Variants in GATAD2B observed in about 807,000 individuals in gnomAD.
The protein encoded by GATAD2B is GATA zinc finger domain containing 2B.
A neutral mutation model predicts 64.3 loss-of-function variants in GATAD2B; 8 were observed. The ratio of observed to expected loss-of-function variants is 0.12; its 90% CI spans 0.07 to 0.22. The LOEUF (loss-of-function observed/expected upper bound fraction) is 0.22, where lower values mean the gene tolerates loss of function less well. Ranked by LOEUF, GATAD2B falls within the 10% of genes least tolerant of loss-of-function variation. The pLI, the probability that GATAD2B is intolerant of heterozygous loss-of-function variation, is 1.00. For synonymous variants in GATAD2B, 281 were observed against 271.3 expected (o/e 1.04, Z -0.35); for missense variants, 453 against 752.0 (o/e 0.60, Z 4.65).
At chr1:153,863,832 G>A (rs2101923331) in intron 1 of GATAD2B, among the ~76,000 whole-genome samples, 1 of 152,094 alleles carries the variant, frequency 6.6e-6, no homozygotes, top group Non-Finnish European at 1.5e-5. Context: ...CACCATGTTG[G>A]CCAGGATGGC....
intron 1 of GATAD2B, chr1:153,890,924 C>T (rs1677368091): frequency 6.6e-6 from 1 of 152,182 alleles, no homozygotes; most frequent in African/African-American, 2.4e-5. Context: ...TGGCTCACAC[C>T]TATAATCCCA....
intron 8 of GATAD2B, among the ~76,000 whole-genome samples, chr1:153,812,836 C>G (rs1674340420): frequency 6.6e-6 from 1 of 152,184 alleles, no homozygotes; most frequent in Admixed American, 6.5e-5. Context: ...TTCACATACT[C>G]TAGAACCACT....
intron 1 of GATAD2B, among the ~76,000 whole-genome samples, chr1:153,849,819 G>A (rs1192029440): frequency 6.6e-6 from 1 of 151,954 alleles, no homozygotes; most frequent in Admixed American, 6.6e-5. Flanking sequence ...TTTAGCAGAG[G>A]TTAGGTCTCA....
intron 1 of GATAD2B, among the ~76,000 whole-genome samples, chr1:153,893,481 T>C (rs1006125312): frequency 6.6e-6 from 1 of 151,928 alleles, no homozygotes; most frequent in Non-Finnish European, 1.5e-5. Flanking sequence ...GGGTGGCACA[T>C]GCCTGTAGTC....
chr1:153,850,973 G>T (rs1446183368), intron 1 of GATAD2B, among the ~76,000 whole-genome samples: 2 of 151,388 alleles, frequency 1.3e-5, no homozygotes, highest in Admixed American at 6.6e-5. Context: ...CTTAACACAA[G>T]ATCTACCCTC....
chr1:153,864,734 A>G (rs1040095296), intron 1 of GATAD2B, among the ~76,000 whole-genome samples: 1 of 152,220 alleles, frequency 6.6e-6, no homozygotes, highest in Admixed American at 6.5e-5. Flanking sequence ...TATGAAGTCC[A>G]TATTATACCC....
chr1:153,900,932 G>T (rs1186998673), intron 1 of GATAD2B, among the ~76,000 whole-genome samples: 1 of 151,714 alleles, frequency 6.6e-6, no homozygotes, highest in Non-Finnish European at 1.5e-5. Flanking sequence ...CATAAAAACT[G>T]GCCAGGCGTG....
chr1:153,922,308 C>G (rs1458336308), intron 1 of GATAD2B, among the ~76,000 whole-genome samples: 2 of 141,152 alleles, frequency 1.4e-5, no homozygotes, highest in African/African-American at 2.7e-5. Flanking sequence ...AAGGGGGGGG[C>G]GCGCTAGAGA....
intron 2 of GATAD2B, among the ~76,000 whole-genome samples, chr1:153,826,006 C>CTTTTT (rs11319966): frequency 7.0e-6 from 1 of 142,924 alleles, no homozygotes; most frequent in African/African-American, 2.6e-5. Flanking sequence ...TATAAACTGA[C>CTTTTT]TTTTTTTTTT....
At chr1:153,859,140 G>A (rs1298057793) in intron 1 of GATAD2B, among the ~76,000 whole-genome samples, 1 of 152,018 alleles carries the variant, frequency 6.6e-6, no homozygotes, top group Non-Finnish European at 1.5e-5. Flanking sequence ...AGGTATGTAG[G>A]ATGATTGAGC....
At chr1:153,906,131 C>T (rs1221511353) in intron 1 of GATAD2B, among the ~76,000 whole-genome samples, 1 of 151,054 alleles carries the variant, frequency 6.6e-6, no homozygotes, top group Non-Finnish European at 1.5e-5. Flanking sequence ...AGTGTGGGGC[C>T]AGGCGTGGTG....
At chr1:153,861,191 G>A (rs1218119414) in intron 1 of GATAD2B, among the ~76,000 whole-genome samples, 1 of 152,094 alleles carries the variant, frequency 6.6e-6, no homozygotes, top group Admixed American at 6.6e-5. Flanking sequence ...TGAGAAGGAC[G>A]CCTGCCTCCA....
chr1:153,872,676 T>C (rs1285089540), intron 1 of GATAD2B, among the ~76,000 whole-genome samples: 1 of 152,208 alleles, frequency 6.6e-6, no homozygotes, highest in African/African-American at 2.4e-5. Context: ...TTGTTTTCCT[T>C]GAAAATTTTC....
rs1338206399 is a variant in GATAD2B at position 153,866,866 on chromosome 1, C to T, written c.-1-38518G>A. ...GCACAATCTCAGCCACTGCAATCTC[C>T]GCCTCCCGGGTTCAATAGATTCTCC... On this transcript the variant is annotated intron_variant, in intron 1 of 10. Coordinates refer to ENST00000368655, the MANE Select transcript of GATAD2B (RefSeq NM_020699.4). 5.3e-5 allele frequency among the ~76,000 whole-genome samples: 8 copies of T among 152,138 alleles called. No homozygotes were observed. The East Asian group carries it at 1.3e-3, about 26-fold the overall frequency.
Position 153,816,331 on chromosome 1 carries a change from G to T in GATAD2B, c.1158C>A (p.Ser386Arg). The T allele has an allele frequency of 6.2e-7, 1 of 1,613,660 alleles. No homozygotes were observed. ...CCAAGCCTACCATGTAGATGAACTC[G>T]CTATTGGCTGCACTAGGCAAGAAAT... is the stretch of plus-strand genomic sequence containing the variant. ...LLHFLPSAAN[S>R]EFIYMVGLEE... Residue 386 changes from serine to arginine, a missense_variant, in exon 7 of 11, where the codon AGC (serine) becomes AGA (arginine). Ser to Arg is a moderately radical substitution (Grantham distance 110). Transcript: ENST00000368655. The surrounding 1 kb of genome is among the most constrained non-coding windows in gnomAD (Gnocchi z 4.9).
chr1:153,826,642 C>T (rs555112267), intron 2 of GATAD2B, among the ~76,000 whole-genome samples: 38 of 151,318 alleles, frequency 2.5e-4, no homozygotes, highest in East Asian at 1.2e-3. Context: ...CACACACACA[C>T]ACAACTTGGG....
At chr1:153,899,203 T>C (rs1677692901) in intron 1 of GATAD2B, among the ~76,000 whole-genome samples, 1 of 152,192 alleles carries the variant, frequency 6.6e-6, no homozygotes, top group Non-Finnish European at 1.5e-5. Context: ...GCAGTGACCA[T>C]GCCTGTGAAT....
chr1:153,864,010 T>A lies in GATAD2B; in HGVS notation c.-1-35662A>T, dbSNP rs145085066. Among the ~76,000 whole-genome samples, 27 of 152,278 alleles carry A rather than the reference T, an allele frequency of 1.8e-4. No homozygotes were observed. The East Asian group carries it at 5.2e-3, about 29-fold the overall frequency. ...TTTTATATGAAAGAAAAACAAAAAA[T>A]TCTTTTTATCCTTTATACCATGGAA... On this transcript the variant is annotated intron_variant, in intron 1 of 10. Transcript: ENST00000368655.
intron 1 of GATAD2B, among the ~76,000 whole-genome samples, chr1:153,898,288 C>T (rs1303923375): frequency 1.1e-5 from 1 of 93,486 alleles, no homozygotes; most frequent in Admixed American, 1.7e-4. Context: ...GCCTGGGCAA[C>T]AGAGTAACAG....
Sources: allele counts gnomAD v4.1 joint callset (sites outside exome capture counted in the v4.1 genomes callset), GRCh38; gene constraint gnomAD v4.1.1; non-coding constraint Gnocchi (gnomAD v3.1); transcripts MANE v1.5; gene names NCBI Gene and HGNC (gene_info 2026-07-23, HGNC 2026-07-21).